The following ST18 variants were observed in gnomAD, a reference collection of about 807,000 sequenced individuals.
The protein encoded by ST18 is ST18 C2H2C-type zinc finger transcription factor.
A neutral mutation model predicts 110.0 loss-of-function variants in ST18; 50 were observed. That is an observed-to-expected ratio of 0.45 (90% CI 0.36 to 0.58). ST18 has a LOEUF of 0.58. ST18 is among the 20% of genes least tolerant of loss of function. The pLI is 0.00. For missense variants in ST18, 1,306 were observed against 1,280.1 expected, an observed-to-expected ratio of 1.02 and a Z score of -0.31; for synonymous variants, 461 against 452.4, an observed-to-expected ratio of 1.02 and a Z score of -0.24.
intron 15 of ST18, among the ~76,000 whole-genome samples, chr8:52,155,120 T>G (rs2059715604): frequency 6.6e-6 from 1 of 151,334 alleles, no homozygotes; most frequent in South Asian, 2.1e-4. Flanking sequence ...GAGAATCACT[T>G]GAACCCAGAA....
chr8:52,332,211 T>C (rs533700278), intron 2 of ST18, among the ~76,000 whole-genome samples: 1 of 152,266 alleles, frequency 6.6e-6, no homozygotes, highest in Non-Finnish European at 1.5e-5. Flanking sequence ...AATTACTATT[T>C]TGGATAAATA....
intron 9 of ST18, among the ~76,000 whole-genome samples, chr8:52,173,912 A>G (rs2065954004): frequency 6.6e-6 from 1 of 152,230 alleles, no homozygotes; most frequent in Admixed American, 6.5e-5. Flanking sequence ...TTAATTTTTT[A>G]TAAACATTGT....
chr8:52,286,541 T>C (rs1054956988), intron 2 of ST18, among the ~76,000 whole-genome samples: 16 of 152,092 alleles, frequency 1.1e-4, no homozygotes, highest in African/African-American at 3.6e-4. Flanking sequence ...ATCTCCTTTA[T>C]TGCAAGTTCT....
intron 10 of ST18, among the ~76,000 whole-genome samples, chr8:52,167,332 CAG>C (rs2063353953): frequency 6.6e-6 from 1 of 152,224 alleles, no homozygotes; most frequent in Non-Finnish European, 1.5e-5. Flanking sequence ...AATAGTGAGA[CAG>C]AATTTATTTA....
chr8:52,272,552 A>C (rs746023918), intron 2 of ST18, among the ~76,000 whole-genome samples: 7 of 143,504 alleles, frequency 4.9e-5, no homozygotes, highest in Non-Finnish European at 1.0e-4. Context: ...GATTATAGAC[A>C]ACAACAAAAA....
chr8:52,129,451 C>CAG (rs1554584138), intron 22 of ST18, among the ~76,000 whole-genome samples: 34 of 72,244 alleles, frequency 4.7e-4, no homozygotes, highest in African/African-American at 1.5e-3. Flanking sequence ...GAGACTCCAT[C>CAG]AAAAAAAAAA....
rs1389584066 is a variant in ST18 at position 52,173,655 on chromosome 8, G to GC, written c.278-1073dup. ...GTGGGGTGTGCCCAGCTCACACCAG[G>GC]CTGTGAAGTGCCTGCAACAGTGCCC... On this transcript the variant is annotated intron_variant, in intron 9 of 25. Coordinates refer to ENST00000689386, the MANE Select transcript of ST18 (RefSeq NM_001352837.2). Among the ~76,000 whole-genome samples the GC allele has an allele frequency of 3.9e-5, 6 of 152,244 alleles. No individual in the cohort carries two copies. The South Asian group carries it at 1.2e-3, about 32-fold the overall frequency.
At chr8:52,118,680 AGG>A (rs1481749705) in intron 23 of ST18, among the ~76,000 whole-genome samples, 1 of 152,194 alleles carries the variant, frequency 6.6e-6, no homozygotes, top group Non-Finnish European at 1.5e-5. Flanking sequence ...GTTATGTCCC[AGG>A]GGTGCTGCCA....
intron 2 of ST18, among the ~76,000 whole-genome samples, chr8:52,238,744 G>C (rs1232959487): frequency 6.6e-6 from 1 of 151,658 alleles, no homozygotes; most frequent in African/African-American, 2.4e-5. Context: ...ATTATCTTAA[G>C]GGAAATAAGT....
chr8:52,207,887 G>T (rs1314575584), intron 8 of ST18, among the ~76,000 whole-genome samples: 1 of 152,184 alleles, frequency 6.6e-6, no homozygotes, highest in Non-Finnish European at 1.5e-5. Flanking sequence ...ATTAGTAGAT[G>T]CAATAGCATG....
At chr8:52,386,340 G>T (rs773021800) in intron 2 of ST18, among the ~76,000 whole-genome samples, 20 of 151,952 alleles carry the variant, frequency 1.3e-4, no homozygotes, top group Non-Finnish European at 2.9e-4. Context: ...AGATTGCAAT[G>T]AAATATCAAA....
intron 17 of ST18, among the ~76,000 whole-genome samples, chr8:52,139,439 T>C (rs952934746): frequency 1.3e-5 from 2 of 152,154 alleles, no homozygotes; most frequent in African/African-American, 4.8e-5. Context: ...CACTGCAAAC[T>C]TCGCCTCCTG....
At chr8:52,193,148 G>C (rs1237629309) in intron 8 of ST18, among the ~76,000 whole-genome samples, 1 of 152,240 alleles carries the variant, frequency 6.6e-6, no homozygotes, top group African/African-American at 2.4e-5. Flanking sequence ...GTCTAGATCA[G>C]CAGAGGAACT....
At chr8:52,292,677 ACTC>A (rs2095574243) in intron 2 of ST18, among the ~76,000 whole-genome samples, 1 of 152,048 alleles carries the variant, frequency 6.6e-6, no homozygotes, top group African/African-American at 2.4e-5. Flanking sequence ...AAGCCATTTA[ACTC>A]CTATGTGTGT....
At chr8:52,263,521 T>C (rs769824055) in intron 2 of ST18, among the ~76,000 whole-genome samples, 39 of 152,206 alleles carry the variant, frequency 2.6e-4, no homozygotes, top group Admixed American at 1.2e-3. Flanking sequence ...TTTTTAACTA[T>C]TGTTATGATC....
intron 8 of ST18, among the ~76,000 whole-genome samples, chr8:52,180,778 A>T (rs1407435609): frequency 6.6e-6 from 1 of 152,174 alleles, no homozygotes; most frequent in Admixed American, 6.5e-5. Flanking sequence ...GAAATGTCAC[A>T]TATCTTGGAC....
intron 2 of ST18, among the ~76,000 whole-genome samples, chr8:52,337,844 T>C (rs1812866501): frequency 6.6e-6 from 1 of 152,174 alleles, no homozygotes; most frequent in Non-Finnish European, 1.5e-5. Context: ...GAAGAATGGC[T>C]GTGTGAATAA....
At chr8:52,334,118 C>T (rs1564518295) in intron 2 of ST18, among the ~76,000 whole-genome samples, 1 of 152,338 alleles carries the variant, frequency 6.6e-6, no homozygotes, top group South Asian at 2.1e-4. Flanking sequence ...TTTATATTCT[C>T]TGCCGGATAT....
At chr8:52,140,372 ATAC>A (rs1294510685) in intron 17 of ST18, among the ~76,000 whole-genome samples, 2 of 152,158 alleles carry the variant, frequency 1.3e-5, no homozygotes, top group Non-Finnish European at 2.9e-5. Flanking sequence ...TCTACTAAAA[ATAC>A]AAAAATTAGC....
Sources: allele counts gnomAD v4.1 joint callset (sites outside exome capture counted in the v4.1 genomes callset), GRCh38; gene constraint gnomAD v4.1.1; transcripts MANE v1.5; gene names NCBI Gene and HGNC (gene_info 2026-07-23, HGNC 2026-07-21).